The following STRN3 variants were observed in gnomAD, a reference collection of about 807,000 sequenced individuals.
STRN3 encodes the protein striatin 3.
In STRN3, 29 loss-of-function variants were observed where a neutral mutation model predicts 95.6. That is an observed-to-expected ratio of 0.30 (90% confidence interval 0.23 to 0.41). The LOEUF (loss-of-function observed/expected upper bound fraction) is 0.41, where lower values mean the gene tolerates loss of function less well. Ranked by LOEUF, STRN3 falls within the 10% of genes least tolerant of loss-of-function variation. The pLI, the probability that STRN3 is intolerant of heterozygous loss-of-function variation, is 1.00. For missense variants in STRN3, 890 were observed against 972.1 expected (o/e 0.92, Z 1.12); for synonymous variants, 331 against 357.6 (o/e 0.93, Z 0.84).
chr14:30,986,877 T>A (rs1237236433), intron 1 of STRN3, among the ~76,000 whole-genome samples: 1 of 152,224 alleles, frequency 6.6e-6, no homozygotes, highest in East Asian at 1.9e-4. Flanking sequence ...CTCTCACACA[T>A]ACTACATATT....
chr14:31,000,242 G>C (rs1030492575), intron 1 of STRN3, among the ~76,000 whole-genome samples: 4 of 80,466 alleles, frequency 5.0e-5, no homozygotes, highest in African/African-American at 1.5e-4. Flanking sequence ...TAGTATAAAC[G>C]TATTTCTGGG....
intron 1 of STRN3, among the ~76,000 whole-genome samples, chr14:31,015,970 T>A (rs931881282): frequency 6.6e-6 from 1 of 152,182 alleles, no homozygotes; most frequent in African/African-American, 2.4e-5. Flanking sequence ...CTGGCTTCAA[T>A]ACTGTTTTTC....
In STRN3 at chr14:30,976,600, A is replaced by C. The variant is rs117034103; in HGVS notation, c.283-20358T>G. Among the ~76,000 whole-genome samples, 314 of 152,372 alleles carry C rather than the reference A, an allele frequency of 2.1e-3. 5 individuals are homozygous for C. In the East Asian group the frequency reaches 0.032, roughly 16 times the overall value. On this transcript the variant is annotated intron_variant, in intron 1 of 17. Transcript: ENST00000357479. ...ATTTTCAAACTCACATGGAATGTTC[A>C]TCAAGAAAAACATTTTGGACCATAA...
intron 1 of STRN3, among the ~76,000 whole-genome samples, chr14:30,968,507 C>G (rs1880655760): frequency 6.6e-6 from 1 of 151,830 alleles, no homozygotes; most frequent in Admixed American, 6.6e-5. Context: ...CAGTGAAACC[C>G]CGTCTCCACT....
intron 7 of STRN3, among the ~76,000 whole-genome samples, chr14:30,934,193 G>A (rs997524340): frequency 6.6e-6 from 1 of 152,082 alleles, no homozygotes; most frequent in Non-Finnish European, 1.5e-5. Flanking sequence ...GTGTGGTGGT[G>A]CACGCCTGTA....
In STRN3 at chr14:30,947,147, A is replaced by G; in HGVS notation, c.659T>C (p.Leu220Ser). The G allele has an allele frequency of 6.2e-7, 1 of 1,612,326 alleles. No homozygotes were observed. Reference protein sequence around the residue: ...EPNGSVETKNLEQILNGGESP... With the variant: ...EPNGSVETKNSEQILNGGESP... ...TTCACCTCCATTCAGGATCTGTTCT[A>G]AATTCTTTGTTTCTACTGATCCATT... The change falls in exon 5 of 18, where the codon TTA becomes TCA. Residue 220 changes from leucine to serine, a missense_variant. Leu to Ser is a moderately radical substitution (Grantham distance 145). Transcript: ENST00000357479.
chr14:30,933,083 T>C (rs1180023360), intron 7 of STRN3, among the ~76,000 whole-genome samples: 2 of 151,126 alleles, frequency 1.3e-5, no homozygotes, highest in Non-Finnish European at 2.9e-5. Context: ...AAGACTAGCC[T>C]GAGCAACATG....
rs1220980388 is a variant in STRN3, at chr14:30,893,941, C to G, written c.*1470G>C. 6.6e-6 allele frequency: 1 copy of G among 152,472 alleles called. No homozygotes were observed. The highest frequency in any genetic ancestry group is 1.5e-5 in the Non-Finnish European group (1 of 67,998). 9.4% of individuals were successfully genotyped at this position (152,472 alleles called of 1,614,324 possible). A position where few individuals can be genotyped will look rare whatever the true frequency, so the allele number is the denominator to read the frequency against. On this transcript the variant is annotated 3_prime_UTR_variant, in exon 18 of 18. Transcript: ENST00000357479. ...TTTTATATACATTATTTTTCAACAG[C>G]TGTATGTTTGCTATGTGGTACAATC...
intron 13 of STRN3, among the ~76,000 whole-genome samples, chr14:30,908,420 T>C (rs918034093): frequency 6.6e-6 from 1 of 152,160 alleles, no homozygotes; most frequent in Non-Finnish European, 1.5e-5. Flanking sequence ...ATACAAAACA[T>C]TTTGTTGTTG....
chr14:30,982,020 C>T (rs1412747279), intron 1 of STRN3, among the ~76,000 whole-genome samples: 8 of 132,544 alleles, frequency 6.0e-5, no homozygotes, highest in East Asian at 4.9e-4. Flanking sequence ...TGCTTGAACC[C>T]GGGAGGCAGG....
chr14:30,953,856 C>G (rs1879772406), intron 3 of STRN3, among the ~76,000 whole-genome samples: 1 of 152,130 alleles, frequency 6.6e-6, no homozygotes, highest in Non-Finnish European at 1.5e-5. Context: ...TCTTGAACTC[C>G]TGGGATCAAG....
At chr14:30,959,441 T>C (rs2139155317) in intron 1 of STRN3, among the ~76,000 whole-genome samples, 1 of 152,316 alleles carries the variant, frequency 6.6e-6, no homozygotes, top group Admixed American at 6.5e-5. Flanking sequence ...ACTGACCTTA[T>C]GACCTCATAT....
chr14:30,959,245 G>A (rs993139520), intron 1 of STRN3, among the ~76,000 whole-genome samples: 2 of 152,132 alleles, frequency 1.3e-5, no homozygotes, highest in African/African-American at 2.4e-5. Flanking sequence ...AGGATCATTT[G>A]AGCGGAGGGG....
chr14:30,972,521 A>T (rs533690963), intron 1 of STRN3, among the ~76,000 whole-genome samples: 2 of 152,130 alleles, frequency 1.3e-5, no homozygotes, highest in Non-Finnish European at 2.9e-5. Flanking sequence ...AGAAAATTTT[A>T]TATTCGAGTG....
At chr14:30,974,306 TAAG>T (rs1427830230) in intron 1 of STRN3, among the ~76,000 whole-genome samples, 1 of 152,026 alleles carries the variant, frequency 6.6e-6, no homozygotes, top group Non-Finnish European at 1.5e-5. Flanking sequence ...AAAAGGTAAT[TAAG>T]AAAACAATTC....
chr14:30,955,958 A>G (rs1879882446), intron 2 of STRN3, among the ~76,000 whole-genome samples, 181 bp downstream of exon 2: 1 of 152,212 alleles, frequency 6.6e-6, no homozygotes, highest in South Asian at 2.1e-4. Flanking sequence ...ACACATTTCA[A>G]TTGAATTATT....
At chr14:31,006,403 T>A (rs967395680) in intron 1 of STRN3, among the ~76,000 whole-genome samples, 3 of 150,818 alleles carry the variant, frequency 2.0e-5, no homozygotes, top group Non-Finnish European at 3.0e-5. Context: ...TTTACTAAAA[T>A]TTAAAAAGTA....
At chr14:30,954,468 T>A (rs1257425600) in intron 3 of STRN3, among the ~76,000 whole-genome samples, 2 of 152,184 alleles carry the variant, frequency 1.3e-5, no homozygotes, top group Non-Finnish European at 2.9e-5. Context: ...CCATATATAC[T>A]CTGACATAAA....
intron 1 of STRN3, among the ~76,000 whole-genome samples, chr14:31,010,569 A>C (rs2139318543): frequency 6.6e-6 from 1 of 152,188 alleles, no homozygotes; most frequent in East Asian, 1.9e-4. Flanking sequence ...GTATTTAAAA[A>C]TATCTGAACT....
Sources: gnomAD v4.1 joint callset for allele counts (sites outside exome capture counted in the v4.1 genomes callset) on GRCh38, gnomAD v4.1.1 for gene constraint, MANE v1.5 for transcripts, NCBI Gene and HGNC (gene_info 2026-07-23, HGNC 2026-07-21) for gene names.